Variants in MYRIP observed in about 807,000 individuals in gnomAD.
MYRIP encodes the protein rab effector MyRIP.
Under a neutral mutation model 98.0 loss-of-function variants are expected in MYRIP, and 49 were observed. That is an observed-to-expected ratio of 0.50 (90% CI 0.40 to 0.63). The LOEUF is 0.63. MYRIP is among the 30% of genes least tolerant of loss of function. The probability of loss-of-function intolerance (pLI) is 0.00; values close to 1 mark genes in which losing one functional copy is unlikely to be tolerated. For synonymous variants in MYRIP, 404 were observed against 409.5 expected, an observed-to-expected ratio of 0.99 and a Z score of 0.16; for missense variants, 1,004 against 1,058.2, an observed-to-expected ratio of 0.95 and a Z score of 0.71.
intron 3 of MYRIP, among the ~76,000 whole-genome samples, chr3:40,112,247 G>T (rs1354599229): frequency 6.6e-6 from 1 of 151,844 alleles, no homozygotes; most frequent in African/African-American, 2.4e-5. Context: ...ATCTCATGAG[G>T]GGGTGGAGGC....
chr3:39,965,903 A>C (rs1385340394), intron 2 of MYRIP, among the ~76,000 whole-genome samples: 1 of 152,174 alleles, frequency 6.6e-6, no homozygotes, highest in Non-Finnish European at 1.5e-5. Context: ...ATTTCTGCAT[A>C]ATTGTATATG....
At chr3:40,065,299 T>C (rs1948103533) in intron 3 of MYRIP, among the ~76,000 whole-genome samples, 2 of 152,182 alleles carry the variant, frequency 1.3e-5, no homozygotes, top group Non-Finnish European at 2.9e-5. Flanking sequence ...GGGTCCACCC[T>C]ACTCCAGTAT....
chr3:40,063,981 C>T (rs1357771482), intron 3 of MYRIP, among the ~76,000 whole-genome samples: 3 of 151,908 alleles, frequency 2.0e-5, no homozygotes, highest in Admixed American at 2.0e-4. Flanking sequence ...GAAGAGTGTA[C>T]AGCAGGTGAG....
At chr3:39,992,236 G>C (rs896404386) in intron 2 of MYRIP, among the ~76,000 whole-genome samples, 1 of 152,052 alleles carries the variant, frequency 6.6e-6, no homozygotes, top group African/African-American at 2.4e-5. Flanking sequence ...TCTCCATAAA[G>C]CCAAGTTTCT....
At chr3:40,074,295 C>T (rs1222640206) in intron 3 of MYRIP, among the ~76,000 whole-genome samples, 3 of 151,870 alleles carry the variant, frequency 2.0e-5, no homozygotes, top group African/African-American at 7.3e-5. Context: ...AAGATGGTTT[C>T]GATCTCCTGA....
At chr3:40,177,652 G>C (rs539998792) in intron 8 of MYRIP, among the ~76,000 whole-genome samples, 2 of 152,244 alleles carry the variant, frequency 1.3e-5, no homozygotes, top group South Asian at 4.1e-4. Flanking sequence ...GGGTCAGTGC[G>C]ACCTGGCTTT....
chr3:40,232,513 A>G (rs759957846), intron 11 of MYRIP, among the ~76,000 whole-genome samples: 9 of 152,218 alleles, frequency 5.9e-5, no homozygotes, highest in African/African-American at 9.6e-5. Context: ...TCAAGATTAT[A>G]TGGGTCAGAT....
At chr3:40,040,152 G>T (rs780511322) in intron 2 of MYRIP, among the ~76,000 whole-genome samples, 5 of 152,094 alleles carry the variant, frequency 3.3e-5, no homozygotes, top group African/African-American at 4.8e-5. Context: ...TTAGGGCATG[G>T]ACATATCATT....
chr3:40,185,914 A>G (rs1951023926), intron 9 of MYRIP, among the ~76,000 whole-genome samples: 1 of 152,104 alleles, frequency 6.6e-6, no homozygotes, highest in Admixed American at 6.6e-5. Context: ...GTATTCATTA[A>G]CAAGTAGTAT....
intron 5 of MYRIP, among the ~76,000 whole-genome samples, chr3:40,163,973 G>A (rs1386162342): frequency 6.6e-6 from 1 of 152,066 alleles, no homozygotes. Flanking sequence ...ACCTCCATTT[G>A]CTGCTGAGCC....
chr3:40,140,628 T>C (rs1949871523), intron 3 of MYRIP, among the ~76,000 whole-genome samples: 1 of 151,858 alleles, frequency 6.6e-6, no homozygotes, highest in African/African-American at 2.4e-5. Context: ...GCATTTGCTA[T>C]TTTTTTGTTT....
intron 1 of MYRIP, among the ~76,000 whole-genome samples, chr3:39,899,470 A>G (rs1943693738): frequency 6.6e-6 from 1 of 151,878 alleles, no homozygotes; most frequent in Non-Finnish European, 1.5e-5. Context: ...TTCTTCTGTT[A>G]GGTTAACTAT....
At chr3:40,162,638 T>C (rs1575588148) in intron 4 of MYRIP, 92 bp from the exon 5 acceptor site, 1 of 1,086,590 alleles carries the variant, frequency 9.2e-7, no homozygotes, top group African/African-American at 1.5e-5. Flanking sequence ...TGTGTAATAG[T>C]GGTCTGCCAG....
Position 40,233,949 on chromosome 3 carries a change from C to T in MYRIP, c.1996C>T (p.Pro666Ser), listed in dbSNP as rs138241119. 8 of 1,613,900 alleles carry T rather than the reference C, an allele frequency of 5.0e-6. No individual in the cohort carries two copies. The East Asian group carries it at 1.3e-4, about 27-fold the overall frequency. The change falls in exon 12 of 17, where the codon CCC becomes TCC. Residue 666 changes from proline to serine, a missense_variant. Coordinates refer to ENST00000302541, the MANE Select transcript of MYRIP (RefSeq NM_015460.4). ...TEELIAGSTG[P>S]WESPQVPPDR... Reference sequence around the variant, plus strand: ...GGAGTTGATAGCAGGATCTACAGGGCCCTGGGAGTCCCCACAAGTCCCTCC... The same window carrying T: ...GGAGTTGATAGCAGGATCTACAGGGTCCTGGGAGTCCCCACAAGTCCCTCC...
At chr3:40,088,888 G>A (rs573026324) in intron 3 of MYRIP, among the ~76,000 whole-genome samples, 1 of 152,308 alleles carries the variant, frequency 6.6e-6, no homozygotes, top group African/African-American at 2.4e-5. Flanking sequence ...CAGGAAGTCA[G>A]GAAGGAGGCC....
intron 9 of MYRIP, among the ~76,000 whole-genome samples, chr3:40,184,269 G>C (rs887613549): frequency 7.9e-5 from 12 of 152,124 alleles, no homozygotes; most frequent in Admixed American, 2.6e-4. Context: ...AGATTCCATA[G>C]AGTACATGAG....
chr3:39,896,254 A>G (rs1943609056), intron 1 of MYRIP, among the ~76,000 whole-genome samples: 1 of 152,218 alleles, frequency 6.6e-6, no homozygotes, highest in Admixed American at 6.5e-5. Flanking sequence ...GACATTTTGC[A>G]TAAGTTGGGT....
chr3:39,860,143 TAATA>T (rs2125616898), intron 1 of MYRIP, among the ~76,000 whole-genome samples: 1 of 152,330 alleles, frequency 6.6e-6, no homozygotes, highest in African/African-American at 2.4e-5. Flanking sequence ...CTGTTAGAAC[TAATA>T]AATAAATTCA....
At chr3:40,123,480 C>G (rs1478230095) in intron 3 of MYRIP, among the ~76,000 whole-genome samples, 1 of 152,196 alleles carries the variant, frequency 6.6e-6, no homozygotes, top group Non-Finnish European at 1.5e-5. Context: ...TGTGGCCTCC[C>G]CATGTGGCCT....
Sources: gnomAD v4.1 joint callset for allele counts (sites outside exome capture counted in the v4.1 genomes callset) on GRCh38, gnomAD v4.1.1 for gene constraint, MANE v1.5 for transcripts, NCBI Gene and HGNC (gene_info 2026-07-23, HGNC 2026-07-21) for gene names.